The following CNTN3 variants were observed in gnomAD, a reference collection of about 807,000 sequenced individuals.
The protein encoded by CNTN3 is contactin 3.
In CNTN3, 60 loss-of-function variants were observed where a neutral mutation model predicts 119.1. The observed-to-expected ratio is 0.50, with a 90% confidence interval of 0.41 to 0.62. The LOEUF is 0.62. CNTN3 is among the 20% of genes least tolerant of loss of function. The pLI, the probability that CNTN3 is intolerant of heterozygous loss-of-function variation, is 0.00. For missense variants in CNTN3, 1,101 were observed against 1,242.4 expected (o/e 0.89, Z 1.71); for synonymous variants, 450 against 438.7 (o/e 1.03, Z -0.32).
intron 13 of CNTN3, among the ~76,000 whole-genome samples, chr3:74,334,428 CA>C (rs755159661): frequency 1.3e-4 from 20 of 152,222 alleles, no homozygotes; most frequent in Non-Finnish European, 2.2e-4. Flanking sequence ...ATGTTGAAAA[CA>C]AACACCCGTA....
intron 13 of CNTN3, among the ~76,000 whole-genome samples, chr3:74,313,078 G>T (rs559106397): frequency 6.6e-6 from 1 of 150,968 alleles, no homozygotes; most frequent in African/African-American, 2.4e-5. Flanking sequence ...GACTGGGCAT[G>T]GTTGAGAAAA....
chr3:74,507,376 C>T (rs1390224034), intron 2 of CNTN3, among the ~76,000 whole-genome samples: 2 of 151,140 alleles, frequency 1.3e-5, no homozygotes, highest in Admixed American at 6.6e-5. Context: ...CATGAACACA[C>T]CACTGCACTC....
chr3:74,355,489 C>G (rs1366617641), intron 11 of CNTN3, among the ~76,000 whole-genome samples: 1 of 151,868 alleles, frequency 6.6e-6, no homozygotes, highest in Non-Finnish European at 1.5e-5. Context: ...GGTTCTCACT[C>G]TGTTGCCCAG....
intron 19 of CNTN3, among the ~76,000 whole-genome samples, chr3:74,288,994 G>A (rs1702174059): frequency 6.6e-6 from 1 of 152,152 alleles, no homozygotes; most frequent in South Asian, 2.1e-4. Context: ...TGCTCAGCAT[G>A]CCACATGGCA....
intron 1 of CNTN3, among the ~76,000 whole-genome samples, chr3:74,597,432 A>C (rs1704831869): frequency 6.6e-6 from 1 of 151,968 alleles, no homozygotes; most frequent in South Asian, 2.1e-4. Context: ...CTAGCTACTG[A>C]GCTGTGGCTT....
At chr3:74,477,645 G>C (rs923865507) in intron 4 of CNTN3, among the ~76,000 whole-genome samples, 1 of 152,058 alleles carries the variant, frequency 6.6e-6, no homozygotes, top group Non-Finnish European at 1.5e-5. Context: ...AAAAGAGTTA[G>C]ACAGAATAAG....
intron 4 of CNTN3, among the ~76,000 whole-genome samples, chr3:74,427,395 A>C (rs1701712927): frequency 6.6e-6 from 1 of 152,202 alleles, no homozygotes; most frequent in Non-Finnish European, 1.5e-5. Context: ...CAGATGGAGC[A>C]ACATAGATGC....
chr3:74,486,410 A>G (rs781421444), intron 4 of CNTN3, 46 bp downstream of exon 4: 24 of 1,514,992 alleles, frequency 1.6e-5, no homozygotes, highest in South Asian at 2.5e-5. Flanking sequence ...ATTAAGTTAC[A>G]TATTTTCTAA....
chr3:74,495,046 T>C (rs1182589955), intron 3 of CNTN3, among the ~76,000 whole-genome samples: 2 of 152,060 alleles, frequency 1.3e-5, no homozygotes, highest in Non-Finnish European at 2.9e-5. Context: ...TATTCTTTAG[T>C]GTGTTTATGT....
At chr3:74,272,818 G>A (rs1342813547) in intron 20 of CNTN3, among the ~76,000 whole-genome samples, 1 of 152,058 alleles carries the variant, frequency 6.6e-6, no homozygotes, top group African/African-American at 2.4e-5. Flanking sequence ...GCAAGAATAT[G>A]TTCCTAGTAT....
intron 1 of CNTN3, among the ~76,000 whole-genome samples, chr3:74,607,924 T>C (rs1018670409): frequency 2.6e-5 from 4 of 152,104 alleles, no homozygotes; most frequent in Non-Finnish European, 5.9e-5. Context: ...GTTTAAAAAA[T>C]GATGACAACT....
chr3:74,589,699 A>C (rs201273709), intron 1 of CNTN3, among the ~76,000 whole-genome samples: 1 of 147,676 alleles, frequency 6.8e-6, no homozygotes, highest in African/African-American at 2.6e-5. Flanking sequence ...AAAGACTTGG[A>C]ACCAACCCAA....
At chr3:74,284,933 A>G (rs1441244698) in intron 20 of CNTN3, among the ~76,000 whole-genome samples, 1 of 152,208 alleles carries the variant, frequency 6.6e-6, no homozygotes, top group African/African-American at 2.4e-5. Context: ...ATCACTCCTG[A>G]TTCTTCGGCA....
At chr3:74,354,706 T>C (rs1703897147) in intron 11 of CNTN3, among the ~76,000 whole-genome samples, 1 of 151,896 alleles carries the variant, frequency 6.6e-6, no homozygotes, top group Non-Finnish European at 1.5e-5. Flanking sequence ...ATAATACCAA[T>C]ATAAAACAAA....
At chr3:74,284,876 A>C (rs779845277) in intron 20 of CNTN3, among the ~76,000 whole-genome samples, 5 of 152,192 alleles carry the variant, frequency 3.3e-5, no homozygotes, top group Non-Finnish European at 7.3e-5. Flanking sequence ...TTTAATGCAC[A>C]TTGCCATTTT....
intron 4 of CNTN3, among the ~76,000 whole-genome samples, chr3:74,455,889 T>G (rs1318665052): frequency 1.3e-5 from 2 of 152,040 alleles, no homozygotes; most frequent in Non-Finnish European, 2.9e-5. Context: ...GCAACAAGTC[T>G]GAGATGGGGC....
rs1450916891 is a variant in CNTN3 at position 74,364,593 on chromosome 3, T to C, written c.1087A>G (p.Arg363Gly). 2 of 1,602,352 alleles carry C rather than the reference T, an allele frequency of 1.2e-6. No individual in the cohort carries two copies. The highest frequency in any genetic ancestry group is 1.7e-5 in the Admixed American group (1 of 59,824). ...AGGGCACCATTTTCTATCTGTGTTCTCTCCTAGATGATAATAAAAATATCT... is the reference window on the plus strand; with the variant it reads ...AGGGCACCATTTTCTATCTGTGTTCCCTCCTAGATGATAATAAAAATATCT... ...KNGAALVLEERTQIENGALTI... is the reference protein window; with the variant it reads ...KNGAALVLEEGTQIENGALTI... Residue 363 changes from arginine (R) to glycine (G), a missense_variant, in exon 10 of 23, where the codon AGA becomes GGA. Coordinates refer to ENST00000263665, the MANE Select transcript of CNTN3 (RefSeq NM_020872.3).
chr3:74,510,936 G>A (rs560334207), intron 2 of CNTN3, among the ~76,000 whole-genome samples: 1 of 151,926 alleles, frequency 6.6e-6, no homozygotes, highest in Admixed American at 6.6e-5. Flanking sequence ...GATAGAACCT[G>A]GGCTAGTTTG....
intron 4 of CNTN3, among the ~76,000 whole-genome samples, chr3:74,436,091 T>A (rs1003677373): frequency 3.9e-5 from 6 of 152,244 alleles, no homozygotes. Context: ...CATGTGTACA[T>A]GAAGTTTATG....
Sources: gnomAD v4.1 joint callset for allele counts (sites outside exome capture counted in the v4.1 genomes callset) on GRCh38, gnomAD v4.1.1 for gene constraint, MANE v1.5 for transcripts, NCBI Gene and HGNC (gene_info 2026-07-23, HGNC 2026-07-21) for gene names.